The following WWP2 variants were observed in gnomAD, a reference collection of about 807,000 sequenced individuals.
WWP2 encodes the protein NEDD4-like E3 ubiquitin-protein ligase WWP2.
Under a neutral mutation model 121.0 loss-of-function variants are expected in WWP2, and 57 were observed. That is an observed-to-expected ratio of 0.47 (90% confidence interval 0.38 to 0.59). The LOEUF (loss-of-function observed/expected upper bound fraction) is 0.59. Among genes scored for constraint, WWP2 ranks in the 20% least tolerant of loss-of-function variants. The probability of loss-of-function intolerance (pLI) is 0.00; values close to 1 mark genes in which losing one functional copy is unlikely to be tolerated. For synonymous variants in WWP2, 449 were observed against 441.3 expected (o/e 1.02, Z -0.22); for missense variants, 962 against 1,158.9 (o/e 0.83, Z 2.47).
intron 2 of WWP2, among the ~76,000 whole-genome samples, chr16:69,794,285 G>T (rs371100646): frequency 6.6e-6 from 1 of 152,168 alleles, no homozygotes; most frequent in East Asian, 1.9e-4. Context: ...AGTACTTTAG[G>T]AGGCTGAGGC....
chr16:69,919,258 C>T (rs8053447), intron 10 of WWP2, among the ~76,000 whole-genome samples: 12,956 of 37,592 alleles, frequency 0.34, 1,850 homozygotes, highest in African/African-American at 0.57. Flanking sequence ...CTCCACTGCC[C>T]GGGTTCAAGC....
intron 4 of WWP2, among the ~76,000 whole-genome samples, chr16:69,819,047 T>C (rs954356277): frequency 1.3e-5 from 2 of 152,146 alleles, no homozygotes; most frequent in Non-Finnish European, 2.9e-5. Flanking sequence ...CAGGCTAAAA[T>C]CCTCCGTGCC....
At chr16:69,920,688 C>T (rs972224365) in intron 10 of WWP2, among the ~76,000 whole-genome samples, 4 of 151,796 alleles carry the variant, frequency 2.6e-5, no homozygotes, top group Non-Finnish European at 2.9e-5. Context: ...GGAAGACTGG[C>T]GGGTGGGAGG....
At chr16:69,827,773 T>C (rs2056728972) in intron 4 of WWP2, 1 of 410,594 alleles carries the variant, frequency 2.4e-6, no homozygotes, top group Non-Finnish European at 4.8e-6. Flanking sequence ...ATTAATGGTG[T>C]GGCAGGGACT....
chr16:69,809,660 C>G (rs949231562), intron 4 of WWP2, among the ~76,000 whole-genome samples: 1 of 151,864 alleles, frequency 6.6e-6, no homozygotes, highest in Non-Finnish European at 1.5e-5. Flanking sequence ...CTCAGCTACT[C>G]GGGAGGCTGA....
At chr16:69,910,344 A>G in intron 9 of WWP2, 1 of 981,060 alleles carries the variant, frequency 1.0e-6, no homozygotes, top group Non-Finnish European at 1.2e-6. Context: ...AACAGTATGT[A>G]TTACACACTT....
In WWP2 at chr16:69,939,103, G is replaced by T; in HGVS notation, c.2420G>T (p.Gly807Val). ...FVTGTCRLPV[G>V]GFAELIGSNG... ...ACCGGTACCTGCCGCCTGCCCGTCG[G>T]GGGATTTGCCGAACTCATCGGTATG... Residue 807 changes from glycine to valine, a missense_variant, in exon 22 of 24, where the codon GGG (glycine) becomes GTG (valine). Gly to Val is a moderately radical substitution (Grantham distance 109). Around this residue, in one of 3 missense-constraint regions of WWP2, gnomAD observed 606 missense variants for 772.6 expected, o/e 0.78. Transcript: ENST00000359154. 6.2e-7 allele frequency: 1 copy of T among 1,603,662 alleles called. No homozygotes were observed. Among genetic ancestry groups the T allele is most frequent in the East Asian group, 2.2e-5 (1 of 44,522 alleles).
At chr16:69,870,379 A>G (rs2057612758) in intron 6 of WWP2, among the ~76,000 whole-genome samples, 2 of 150,692 alleles carry the variant, frequency 1.3e-5, no homozygotes, top group Admixed American at 1.3e-4. Flanking sequence ...TGGCTCCCTG[A>G]AACCTCTACC....
intron 6 of WWP2, among the ~76,000 whole-genome samples, chr16:69,868,334 C>A (rs983056021): frequency 2.6e-5 from 4 of 152,086 alleles, no homozygotes; most frequent in African/African-American, 9.7e-5. Context: ...TGAAAGTATT[C>A]TCTCTCCATG....
intron 4 of WWP2, among the ~76,000 whole-genome samples, chr16:69,812,843 G>C (rs914807877): frequency 6.6e-6 from 1 of 152,058 alleles, no homozygotes; most frequent in Non-Finnish European, 1.5e-5. Context: ...CTGTGTGTCA[G>C]GTTTTTCCAC....
intron 4 of WWP2, among the ~76,000 whole-genome samples, chr16:69,828,646 T>A (rs1044656836): frequency 3.9e-5 from 6 of 152,170 alleles, no homozygotes; most frequent in Admixed American, 3.9e-4. Flanking sequence ...ATTACAGATG[T>A]GAGCCATCGT....
chr16:69,934,266 C>T (rs1180492141), intron 17 of WWP2, 137 bp downstream of exon 17: 3 of 1,168,346 alleles, frequency 2.6e-6, no homozygotes, highest in Non-Finnish European at 3.6e-6. Flanking sequence ...TTGGAGGAGG[C>T]CCTGGGCCTG....
intron 5 of WWP2, 39 bp downstream of exon 5, chr16:69,840,302 G>T: frequency 6.2e-7 from 1 of 1,610,142 alleles, no homozygotes; most frequent in Non-Finnish European, 8.5e-7. Flanking sequence ...TGCCGGGACA[G>T]GGTGGGGCTG....
Position 69,871,318 on chromosome 16 carries a change from A to G in WWP2, c.576-486A>G, listed in dbSNP as rs889435026. ...AATGACAACAACAAAAAGTGTCAAC[A>G]TATGCATTGACTAAAAGTTGTTTAA... On this transcript the variant is annotated intron_variant, in intron 6 of 23. Transcript: ENST00000359154. 2.6e-5 allele frequency among the ~76,000 whole-genome samples: 4 copies of G among 152,232 alleles called. No homozygotes were observed. The East Asian group carries it at 7.7e-4, about 29-fold the overall frequency.
intron 19 of WWP2, chr16:69,936,688 C>A (rs564822905): frequency 4.0e-4 from 230 of 578,724 alleles, no homozygotes; most frequent in Middle Eastern, 3.8e-3. Context: ...AGACTTCAAG[C>A]CTGCAGCGTG....
At chr16:69,932,973 G>T in intron 16 of WWP2, 1 of 467,918 alleles carries the variant, frequency 2.1e-6, no homozygotes. Flanking sequence ...TCTGTTCGGT[G>T]GTGGCGTTGC....
chr16:69,850,030 G>T (rs371861695), intron 6 of WWP2, among the ~76,000 whole-genome samples: 11 of 152,160 alleles, frequency 7.2e-5, no homozygotes, highest in Non-Finnish European at 1.3e-4. Flanking sequence ...AATCTCTGCC[G>T]TTGAAGGCAA....
At chr16:69,833,614 G>A (rs2056828395) in intron 4 of WWP2, among the ~76,000 whole-genome samples, 1 of 152,254 alleles carries the variant, frequency 6.6e-6, no homozygotes, top group African/African-American at 2.4e-5. Flanking sequence ...TTGGTAACCA[G>A]TTATTACTTA....
At position 69,916,309 on chromosome 16, in the gene WWP2, C is replaced by G. The variant is rs1405499153; in HGVS notation, c.1005-1400C>G. 3.3e-5 allele frequency among the ~76,000 whole-genome samples: 5 copies of G among 152,252 alleles called. No individual in the cohort carries two copies. The South Asian group carries it at 8.3e-4, about 25-fold the overall frequency. ...TCCCAGGCACAAGCAGTCCTCCCAC[C>G]TCAGCTGCCCAAGTAGCTGGGACCA... On this transcript the variant is annotated intron_variant, in intron 9 of 23. Coordinates refer to ENST00000359154, the MANE Select transcript of WWP2 (RefSeq NM_001270454.2).
Sources: gnomAD v4.1 joint callset for allele counts (sites outside exome capture counted in the v4.1 genomes callset) on GRCh38, gnomAD v4.1.1 for gene constraint, gnomAD v4.1.1 regional missense constraint, MANE v1.5 for transcripts, NCBI Gene and HGNC (gene_info 2026-07-23, HGNC 2026-07-21) for gene names.